The following TTC19 variants were observed in gnomAD, a reference collection of about 807,000 sequenced individuals.
TTC19 encodes tetratricopeptide repeat protein 19, mitochondrial.
TTC19 carries 38 observed loss-of-function variants against 49.5 expected under a neutral mutation model. The ratio of observed to expected loss-of-function variants is 0.77; its 90% CI spans 0.59 to 1.01. The LOEUF is 1.01. Ranked by LOEUF, TTC19 falls within the 50% of genes least tolerant of loss-of-function variation. TTC19 has a pLI of 0.00. For missense variants in TTC19, 475 were observed against 477.7 expected (o/e 0.99, Z 0.05); for synonymous variants, 204 against 185.2 (o/e 1.10, Z -0.83).
chr17:16,032,255 A>G, downstream of TTC19: 2 of 1,521,360 alleles, frequency 1.3e-6, no homozygotes, highest in Non-Finnish European at 1.7e-6. Flanking sequence ...CAAAAACTAG[A>G]GATCCCTCTC....
chr17:16,027,542 GA>G lies in TTC19; in HGVS notation c.*22del, dbSNP rs1273951947. The G allele has an allele frequency of 3.1e-6, 5 of 1,613,204 alleles. No individual in the cohort carries two copies. Among genetic ancestry groups the G allele is most frequent in the Non-Finnish European group, 4.2e-6 (5 of 1,179,494 alleles). On this transcript the variant is annotated 3_prime_UTR_variant, in exon 10 of 10. Coordinates refer to ENST00000261647, the MANE Select transcript of TTC19 (RefSeq NM_017775.4). ...CTCTAAATCCATTTTTGTGTAGGGA[GA>G]ATAATGTCTAGTAATGTGGAAGAAT... is the stretch of plus-strand genomic sequence containing the variant.
At chr17:16,037,171 C>T (rs977321664) in intron 2 of TTC19, among the ~76,000 whole-genome samples, 1 of 152,088 alleles carries the variant, frequency 6.6e-6, no homozygotes, top group African/African-American at 2.4e-5. Flanking sequence ...GGAGTCAGGA[C>T]ACACACCACC....
intron 7 of TTC19, 57 bp downstream of exon 7, chr17:16,006,625 C>T: frequency 8.4e-7 from 1 of 1,190,194 alleles, no homozygotes; most frequent in East Asian, 2.3e-5. Context: ...TTACTTTACA[C>T]TTTTGAGAAA....
At chr17:16,029,938 G>A (rs1364933619), downstream of TTC19, 1 of 157,014 alleles carries the variant, frequency 6.4e-6, no homozygotes, top group Admixed American at 6.5e-5. Context: ...GATCTGACAT[G>A]TTCTCAGAAA....
chr17:16,033,567 A>AT (rs1972980929), downstream of TTC19, among the ~76,000 whole-genome samples: 1 of 152,010 alleles, frequency 6.6e-6, no homozygotes, highest in Admixed American at 6.6e-5. Flanking sequence ...CACATTTCAG[A>AT]TTTTTTTCAG....
intron 2 of TTC19, among the ~76,000 whole-genome samples, chr17:16,043,557 T>G (rs1240774592): frequency 3.9e-5 from 6 of 152,252 alleles, no homozygotes; most frequent in Non-Finnish European, 8.8e-5. Flanking sequence ...AGTACGCTAC[T>G]GAAAACATTA....
At chr17:16,002,602 G>A (rs1045649715) in intron 3 of TTC19, 191 bp from the exon 4 acceptor site, 2 of 627,250 alleles carry the variant, frequency 3.2e-6, no homozygotes, top group South Asian at 3.7e-5. Flanking sequence ...TAACAACAAA[G>A]TATGTGCAAG....
intron 2 of TTC19, among the ~76,000 whole-genome samples, chr17:16,041,806 G>A (rs954623530): frequency 2.6e-5 from 4 of 151,990 alleles, no homozygotes; most frequent in South Asian, 2.1e-4. Flanking sequence ...GTGCGATCTT[G>A]GCTCACTGCA....
rs1432140877 is a variant in TTC19, at chr17:16,003,882, A to C, written c.514A>C (p.Lys172Gln). Residue 172 changes from lysine to glutamine, a missense_variant, in exon 5 of 10, where the codon AAG becomes CAG. Transcript: ENST00000261647. The part of the protein sequence containing the change: ...TMSYLLGGGM[K>Q]QEDNAIIEIS... ...GAGTTACCTCCTTGGAGGGGGCATG[A>C]AGCAGGTAAGGACATTGCCTAGTAT... The C allele has an allele frequency of 1.9e-6, 3 of 1,613,832 alleles. No homozygotes were observed. Among genetic ancestry groups the C allele is most frequent in the Non-Finnish European group, 2.5e-6 (3 of 1,179,852 alleles).
At chr17:16,044,366 A>C in intron 2 of TTC19, 1 of 470,728 alleles carries the variant, frequency 2.1e-6, no homozygotes, top group South Asian at 1.6e-5. Flanking sequence ...TTTATTAATC[A>C]CAAGAGTGAC....
chr17:16,032,093 C>T, downstream of TTC19: 1 of 541,896 alleles, frequency 1.8e-6, no homozygotes, highest in South Asian at 2.7e-5. Flanking sequence ...TTGCCTGTAT[C>T]AAAGGCAGTT....
chr17:16,029,253 C>CAGTCT lies in TTC19; in HGVS notation c.*1732_*1736dup, dbSNP rs1971744427. ...TTGGAAACACTAGGAGTTTTCAGGA[C>CAGTCT]AGTCTCTTCATGTGGGTGTTTTCAT... On this transcript the variant is annotated 3_prime_UTR_variant, in exon 10 of 10. Transcript: ENST00000261647. 1 of 453,678 alleles carries CAGTCT rather than the reference C, an allele frequency of 2.2e-6. No homozygotes were observed. Among genetic ancestry groups the CAGTCT allele is most frequent in the Non-Finnish European group, 4.4e-6 (1 of 226,690 alleles). 28.1% of individuals were successfully genotyped at this position (453,678 alleles called of 1,614,324 possible). A position where few individuals can be genotyped will look rare whatever the true frequency, so the allele number is the denominator to read the frequency against.
intron 3 of TTC19, 34 bp from the exon 4 acceptor site, chr17:16,002,759 C>G (rs769543135): frequency 5.6e-6 from 9 of 1,609,550 alleles, no homozygotes; most frequent in Non-Finnish European, 7.7e-6. Context: ...ACACAGTATT[C>G]TAAACTGAAA....
chr17:16,001,985 A>C lies in TTC19; in HGVS notation c.383A>C (p.Gln128Pro), dbSNP rs771626805. The C allele has an allele frequency of 1.2e-6, 2 of 1,613,196 alleles. No homozygotes were observed. The highest frequency in any genetic ancestry group is 1.3e-5 in the African/African-American group (1 of 74,946). ...CATGACGCTCTTCGTCTCGCCTATC[A>C]GACTGATAACAAGAAGGCCATCACT... is the stretch of plus-strand genomic sequence containing the variant. ...ILHDALRLAY[Q>P]TDNKKAITYT... Residue 128 changes from glutamine to proline, a missense_variant, in exon 3 of 10, where the codon CAG (glutamine) becomes CCG (proline). Transcript: ENST00000261647.
At position 16,042,344 on chromosome 17, in the gene TTC19, T is replaced by C. The variant is rs528538486; in HGVS notation, c.248-2159T>C. The stretch of plus-strand genomic sequence containing the variant: ...TTAATTGAGCAGTTATTTGACTGAA[T>C]TGTTAAGATTACCTTATTGATCAAA... On this transcript the variant is annotated intron_variant, in intron 2 of 2. Transcript: ENST00000470649. Among the ~76,000 whole-genome samples, 4 of 152,328 alleles carry C rather than the reference T, an allele frequency of 2.6e-5. No individual in the cohort carries two copies. In the East Asian group the frequency reaches 7.7e-4, roughly 29 times the overall value.
chr17:16,024,523 T>A (rs1445551791), intron 7 of TTC19: 1 of 157,674 alleles, frequency 6.3e-6, no homozygotes, highest in Admixed American at 6.3e-5. Context: ...GCCAGGATGG[T>A]CTCAATCTCC....
At chr17:16,032,018 C>T (rs1972097441), downstream of TTC19, 1 of 404,252 alleles carries the variant, frequency 2.5e-6, no homozygotes, top group Non-Finnish European at 4.4e-6. Flanking sequence ...GATGTAAGAA[C>T]AGCAACTGTT....
chr17:16,044,637 AGCTCGCC>A, exon 3 of TTC19: 2 of 632,532 alleles, frequency 3.2e-6, no homozygotes, highest in Non-Finnish European at 6.1e-6. Flanking sequence ...TCTGTCTCCG[AGCTCGCC>A]TGCATCTACT....
Position 16,029,094 on chromosome 17 carries a change from A to G in TTC19, c.*1572A>G, listed in dbSNP as rs1184848092. 1 of 447,898 alleles carries G rather than the reference A, an allele frequency of 2.2e-6. No homozygotes were observed. The highest frequency in any genetic ancestry group is 6.9e-5 in the East Asian group (1 of 14,398). The allele number at this position is 447,898 out of a possible 1,614,324, so 27.7% of individuals were successfully genotyped here. Reference sequence around the variant, plus strand: ...TGATTTCTTAAAAAAATTAATGTCAACCACTCACCTTTTGCATTGAGAATG... The same window carrying G: ...TGATTTCTTAAAAAAATTAATGTCAGCCACTCACCTTTTGCATTGAGAATG... On this transcript the variant is annotated 3_prime_UTR_variant, in exon 10 of 10. Coordinates refer to ENST00000261647, the MANE Select transcript of TTC19 (RefSeq NM_017775.4).
Sources: allele counts gnomAD v4.1 joint callset (sites outside exome capture counted in the v4.1 genomes callset), GRCh38; gene constraint gnomAD v4.1.1; transcripts MANE v1.5; gene names NCBI Gene and HGNC (gene_info 2026-07-23, HGNC 2026-07-21).